Variants in ITGA8 observed in about 807,000 individuals in gnomAD.
ITGA8 encodes the protein integrin subunit alpha 8, also known as integrin alpha-8.
A neutral mutation model predicts 142.3 loss-of-function variants in ITGA8; 91 were observed. The observed-to-expected ratio is 0.64, with a 90% confidence interval of 0.54 to 0.76. The LOEUF is 0.76. Ranked by LOEUF, ITGA8 falls within the 30% of genes least tolerant of loss-of-function variation. The pLI is 0.00. For missense variants in ITGA8, 1,406 were observed against 1,327.7 expected, an observed-to-expected ratio of 1.06 and a Z score of -0.92; for synonymous variants, 505 against 485.2, an observed-to-expected ratio of 1.04 and a Z score of -0.54.
At chr10:15,604,522 A>G (rs1347835131) in intron 19 of ITGA8, among the ~76,000 whole-genome samples, 167 bp from the exon 20 acceptor site, 4 of 151,074 alleles carry the variant, frequency 2.6e-5, no homozygotes, top group African/African-American at 7.3e-5. Flanking sequence ...ATCTCTGGGT[A>G]AAAAGGGCAG....
intron 25 of ITGA8, among the ~76,000 whole-genome samples, chr10:15,560,121 T>C (rs977361153): frequency 1.3e-5 from 2 of 148,234 alleles, no homozygotes; most frequent in Non-Finnish European, 3.0e-5. Flanking sequence ...CATTGCTAAT[T>C]AAAAAAAAAA....
intron 27 of ITGA8, among the ~76,000 whole-genome samples, chr10:15,538,189 G>T (rs1833487592): frequency 1.3e-5 from 2 of 152,204 alleles, no homozygotes; most frequent in East Asian, 1.9e-4. Flanking sequence ...AAATGCAAGT[G>T]GTTCAGTCAT....
chr10:15,715,188 G>A (rs1835428563), intron 2 of ITGA8, among the ~76,000 whole-genome samples: 1 of 151,988 alleles, frequency 6.6e-6, no homozygotes, highest in Non-Finnish European at 1.5e-5. Context: ...GCATTCTGTG[G>A]GAGTCTGAGC....
At chr10:15,674,203 C>T (rs191711621) in intron 6 of ITGA8, among the ~76,000 whole-genome samples, 207 of 152,290 alleles carry the variant, frequency 1.4e-3, no homozygotes, top group African/African-American at 4.7e-3. Context: ...TGAACACTGT[C>T]TGTAGAATTT....
chr10:15,679,341 T>G (rs146588904), intron 4 of ITGA8, among the ~76,000 whole-genome samples: 3,276 of 152,278 alleles, frequency 0.022, 90 homozygotes, highest in African/African-American at 0.075. Flanking sequence ...TCCCAGCACT[T>G]TGGGAGGCCA....
intron 13 of ITGA8, among the ~76,000 whole-genome samples, chr10:15,624,180 T>G (rs1306413687): frequency 1.3e-5 from 2 of 152,200 alleles, no homozygotes; most frequent in Non-Finnish European, 2.9e-5. Context: ...ACTTGCCCGT[T>G]GTCTCTCTTT....
At chr10:15,643,292 T>A (rs1279119224) in intron 13 of ITGA8, among the ~76,000 whole-genome samples, 1 of 152,108 alleles carries the variant, frequency 6.6e-6, no homozygotes, top group Admixed American at 6.5e-5. Flanking sequence ...GAGATACATA[T>A]ATTTTTTGAG....
intron 8 of ITGA8, among the ~76,000 whole-genome samples, chr10:15,669,461 C>T (rs941649511): frequency 3.3e-4 from 50 of 152,216 alleles, no homozygotes; most frequent in African/African-American, 1.1e-3. Flanking sequence ...GCCATTGGTT[C>T]GAATTTCCTC....
intron 27 of ITGA8, among the ~76,000 whole-genome samples, chr10:15,537,759 G>C (rs1301529989): frequency 6.6e-6 from 1 of 152,126 alleles, no homozygotes; most frequent in African/African-American, 2.4e-5. Flanking sequence ...GGAATGTGTT[G>C]TTGTCATTTA....
chr10:15,530,439 G>T (rs985678013), intron 28 of ITGA8, among the ~76,000 whole-genome samples: 2 of 149,934 alleles, frequency 1.3e-5, no homozygotes, highest in Admixed American at 1.3e-4. Context: ...CTAGCTACTC[G>T]GGAGGCTGAG....
chr10:15,585,540 G>C (rs1237035419), intron 23 of ITGA8, among the ~76,000 whole-genome samples: 4 of 152,112 alleles, frequency 2.6e-5, no homozygotes, highest in African/African-American at 7.2e-5. Flanking sequence ...AAACCACCGT[G>C]GAAAAGGAAG....
chr10:15,610,016 G>A (rs1833263697), intron 15 of ITGA8, among the ~76,000 whole-genome samples: 1 of 152,048 alleles, frequency 6.6e-6, no homozygotes, highest in Non-Finnish European at 1.5e-5. Flanking sequence ...TTACCTGTCA[G>A]TATAAATCTC....
intron 13 of ITGA8, among the ~76,000 whole-genome samples, chr10:15,631,423 G>C (rs1833683408): frequency 6.6e-6 from 1 of 151,876 alleles, no homozygotes; most frequent in African/African-American, 2.4e-5. Flanking sequence ...GCGGGGACAT[G>C]GATGAAGCTG....
rs1835217370 is a variant in ITGA8, at chr10:15,704,218, C to G, written c.343+14548G>C. On this transcript the variant is annotated intron_variant, in intron 2 of 29. Coordinates refer to ENST00000378076, the MANE Select transcript of ITGA8 (RefSeq NM_003638.3). ...AGTTATGGTCAACATTTTCTTTAGC[C>G]TCTGTTGCTGTGACAGCTTCCTGAC... Among the ~76,000 whole-genome samples, 3 of 152,184 alleles carry G rather than the reference C, an allele frequency of 2.0e-5. No homozygotes were observed. In the South Asian group the frequency reaches 6.2e-4, roughly 31 times the overall value.
At chr10:15,644,478 ATATATATATATATAGAATT>A (rs1833938806) in intron 12 of ITGA8, among the ~76,000 whole-genome samples, 9 of 12,996 alleles carry the variant, frequency 6.9e-4, no homozygotes, top group Admixed American at 3.3e-3. Context: ...ATATATATAT[ATATATATATATATAGAATT>A]TTTTTTTTTT....
chr10:15,601,512 A>T (rs1833103775), intron 20 of ITGA8, among the ~76,000 whole-genome samples: 1 of 152,226 alleles, frequency 6.6e-6, no homozygotes, highest in African/African-American at 2.4e-5. Flanking sequence ...TGGTTGCACT[A>T]CCACGTAAAT....
chr10:15,712,627 A>T (rs896169335), intron 2 of ITGA8, among the ~76,000 whole-genome samples: 5 of 152,230 alleles, frequency 3.3e-5, no homozygotes, highest in African/African-American at 4.8e-5. Flanking sequence ...AATAAAAAAT[A>T]AAAAAGTCCA....
At chr10:15,554,674 G>T (rs1207647216) in intron 26 of ITGA8, among the ~76,000 whole-genome samples, 1 of 151,968 alleles carries the variant, frequency 6.6e-6, no homozygotes, top group African/African-American at 2.4e-5. Context: ...TCAACTGATT[G>T]TTAACATTCC....
intron 3 of ITGA8, 30 bp from the exon 4 acceptor site, chr10:15,684,157 T>C (rs1345538755): frequency 6.3e-7 from 1 of 1,594,912 alleles, no homozygotes; most frequent in Admixed American, 1.8e-5. Context: ...AAAAAATACA[T>C]TTTTGATGTA....
Sources: gnomAD v4.1 joint callset for allele counts (sites outside exome capture counted in the v4.1 genomes callset) on GRCh38, gnomAD v4.1.1 for gene constraint, MANE v1.5 for transcripts, NCBI Gene and HGNC (gene_info 2026-07-23, HGNC 2026-07-21) for gene names.